Variants in SEMA6D observed in about 807,000 individuals in gnomAD.
SEMA6D encodes the protein semaphorin-6D.
A neutral mutation model predicts 106.6 loss-of-function variants in SEMA6D; 35 were observed. The observed-to-expected ratio is 0.33, with a 90% CI of 0.25 to 0.44. The LOEUF is 0.44. SEMA6D is among the 20% of genes least tolerant of loss of function. SEMA6D has a pLI of 1.00. For synonymous variants in SEMA6D, 499 were observed against 487.7 expected (o/e 1.02, Z -0.31); for missense variants, 1,185 against 1,345.9 (o/e 0.88, Z 1.87).
intron 4 of SEMA6D, among the ~76,000 whole-genome samples, chr15:47,645,893 C>T (rs2077573733): frequency 6.6e-6 from 1 of 152,166 alleles, no homozygotes; most frequent in Non-Finnish European, 1.5e-5. Context: ...AGAGAGGACA[C>T]AGGTGAACAG....
In SEMA6D at chr15:47,226,678, G is replaced by A. The variant is rs528063729; in HGVS notation, c.-239+42260G>A. Among the ~76,000 whole-genome samples, 14 of 152,162 alleles carry A rather than the reference G, an allele frequency of 9.2e-5. No individual in the cohort carries two copies. The East Asian group carries it at 2.7e-3, about 29-fold the overall frequency. On this transcript the variant is annotated intron_variant, in intron 1 of 19. Coordinates refer to the SEMA6D transcript ENST00000558014. ...AATCACTGATAAGATAGCAGGAGAG[G>A]ATCAAAGAACTTGTGAATAGTAAAT...
intron 2 of SEMA6D, among the ~76,000 whole-genome samples, chr15:47,425,057 A>G (rs765889751): frequency 7.2e-5 from 11 of 152,096 alleles, no homozygotes; most frequent in Non-Finnish European, 8.8e-5. Context: ...GTGAAACTGC[A>G]CTGTGAACTT....
chr15:47,720,261 C>CT (rs869122623), intron 1 of SEMA6D, among the ~76,000 whole-genome samples: 6,364 of 96,724 alleles, frequency 0.066, 74 homozygotes, highest in South Asian at 0.099. Flanking sequence ...AATAACCTTT[C>CT]TTTTTTTTTT....
intron 4 of SEMA6D, among the ~76,000 whole-genome samples, chr15:47,634,331 G>A (rs2077343075): frequency 6.6e-6 from 1 of 152,124 alleles, no homozygotes; most frequent in South Asian, 2.1e-4. Context: ...TCATTGTCTT[G>A]ATTGTCTTGA....
At chr15:47,730,501 C>T (rs1430005928) in intron 1 of SEMA6D, 3 of 1,296,132 alleles carry the variant, frequency 2.3e-6, no homozygotes, top group Non-Finnish European at 3.3e-6. Flanking sequence ...TCTTATTGTC[C>T]ACCAAGGTGG....
intron 3 of SEMA6D, among the ~76,000 whole-genome samples, chr15:47,560,319 A>T (rs190714342): frequency 1.2e-4 from 18 of 152,166 alleles, no homozygotes; most frequent in African/African-American, 4.3e-4. Flanking sequence ...AACAAAAAGA[A>T]AGCATAATAA....
At position 47,254,877 on chromosome 15, in the gene SEMA6D, G is replaced by T. The variant is rs376509647; in HGVS notation, c.-239+70459G>T. Among the ~76,000 whole-genome samples, 282 of 124,234 alleles carry T rather than the reference G, an allele frequency of 2.3e-3. 2 individuals carry two copies. Among genetic ancestry groups the T allele is most frequent in the African/African-American group, 8.9e-3 (267 of 30,042 alleles). 81.5% of individuals were successfully genotyped at this position (124,234 alleles called of 152,430 possible). A position where few individuals can be genotyped will look rare whatever the true frequency, so the allele number is the denominator to read the frequency against. ...ATCAGGGATATTGACCTGTGGTTTT[G>T]TGTGTGTGTGTGTGTGTGTGTGTGT... On this transcript the variant is annotated intron_variant, in intron 1 of 19. Transcript: ENST00000558014.
At chr15:47,463,023 A>G (rs2042559369) in intron 2 of SEMA6D, among the ~76,000 whole-genome samples, 1 of 152,146 alleles carries the variant, frequency 6.6e-6, no homozygotes, top group African/African-American at 2.4e-5. Flanking sequence ...ATGAACTTGG[A>G]TATGGAAAGG....
At chr15:47,224,412 A>G (rs528670306) in intron 1 of SEMA6D, among the ~76,000 whole-genome samples, 4 of 152,150 alleles carry the variant, frequency 2.6e-5, no homozygotes, top group African/African-American at 7.2e-5. Flanking sequence ...GCCAGGCACT[A>G]TGCTAAGTAC....
At chr15:47,209,165 A>G (rs1895315416) in intron 1 of SEMA6D, among the ~76,000 whole-genome samples, 1 of 152,222 alleles carries the variant, frequency 6.6e-6, no homozygotes, top group African/African-American at 2.4e-5. Context: ...TGGGGAATAA[A>G]ATATTCAATA....
chr15:47,614,232 C>T (rs550932444), intron 4 of SEMA6D, among the ~76,000 whole-genome samples: 57 of 152,228 alleles, frequency 3.7e-4, no homozygotes, highest in African/African-American at 1.3e-3. Flanking sequence ...AAGTGCGTGC[C>T]CAAACCACTT....
At chr15:47,211,927 CAGTCA>C (rs2030059814) in intron 1 of SEMA6D, among the ~76,000 whole-genome samples, 1 of 151,896 alleles carries the variant, frequency 6.6e-6, no homozygotes, top group African/African-American at 2.4e-5. Flanking sequence ...ATACTGCAGA[CAGTCA>C]AGTCTTTATT....
At chr15:47,206,176 A>G (rs183606886) in intron 1 of SEMA6D, among the ~76,000 whole-genome samples, 3 of 152,356 alleles carry the variant, frequency 2.0e-5, no homozygotes, top group Non-Finnish European at 4.4e-5. Context: ...TAAATATCCA[A>G]TATGTATTAA....
At chr15:47,759,945 GAAGCTTTTCTGTTTTTCATTCTGT>G in intron 2 of SEMA6D, 38 bp downstream of exon 2, 1 of 1,442,666 alleles carries the variant, frequency 6.9e-7, no homozygotes, top group Non-Finnish European at 9.7e-7. Flanking sequence ...TTCTGAGAAG[GAAGCTTTTCTGTTTTTCATTCTGT>G]AAGCATGTTC....
chr15:47,716,495 T>G (rs1160428634), upstream of SEMA6D, among the ~76,000 whole-genome samples: 2 of 152,150 alleles, frequency 1.3e-5, no homozygotes, highest in Middle Eastern at 3.2e-3. Context: ...CAAATGAAAA[T>G]TAAGTTTGGC....
intron 2 of SEMA6D, among the ~76,000 whole-genome samples, chr15:47,415,615 T>G (rs2040940277): frequency 6.6e-6 from 1 of 152,156 alleles, no homozygotes; most frequent in South Asian, 2.1e-4. Context: ...AGCCCTCCGC[T>G]TCCATAAATC....
At chr15:47,533,708 G>T (rs927008576) in intron 3 of SEMA6D, among the ~76,000 whole-genome samples, 13 of 152,160 alleles carry the variant, frequency 8.5e-5, no homozygotes, top group African/African-American at 3.1e-4. Flanking sequence ...TATTCTACTT[G>T]TGAGAGGACA....
intron 1 of SEMA6D, among the ~76,000 whole-genome samples, chr15:47,722,050 C>G (rs2079453347): frequency 6.6e-6 from 1 of 152,162 alleles, no homozygotes; most frequent in Non-Finnish European, 1.5e-5. Context: ...CGGGAAGTTT[C>G]CATTGTTTGG....
At chr15:47,391,797 AAAAG>A (rs780923246) in intron 1 of SEMA6D, among the ~76,000 whole-genome samples, 52 of 152,012 alleles carry the variant, frequency 3.4e-4, no homozygotes, top group Admixed American at 1.2e-3. Context: ...AGATTTTTTG[AAAAG>A]AAAGAAAGAC....
Sources: allele counts gnomAD v4.1 joint callset (sites outside exome capture counted in the v4.1 genomes callset), GRCh38; gene constraint gnomAD v4.1.1; transcripts MANE v1.5; gene names NCBI Gene and HGNC (gene_info 2026-07-23, HGNC 2026-07-21).